DNM2: variants seen among roughly 807,000 people sequenced by gnomAD.
DNM2 encodes dynamin 2.
Under a neutral mutation model 99.0 loss-of-function variants are expected in DNM2, and 15 were observed. That is an observed-to-expected ratio of 0.15 (90% confidence interval 0.10 to 0.23). DNM2 has a LOEUF of 0.23. Among genes scored for constraint, DNM2 ranks in the 10% least tolerant of loss-of-function variants. The pLI is 1.00. For missense variants in DNM2, 742 were observed against 1,189.4 expected (o/e 0.62, Z 5.53); for synonymous variants, 525 against 481.2 (o/e 1.09, Z -1.19).
At chr19:10,723,045 CA>C (rs2068990812) in intron 1 of DNM2, among the ~76,000 whole-genome samples, 1 of 151,516 alleles carries the variant, frequency 6.6e-6, no homozygotes, top group East Asian at 1.9e-4. Context: ...CGGCTCACTG[CA>C]ATCTCGCCTC....
intron 14 of DNM2, chr19:10,808,961 T>C (rs2072449008): frequency 4.5e-6 from 1 of 223,822 alleles, no homozygotes; most frequent in Non-Finnish European, 9.0e-6. Flanking sequence ...CCCTCCTCCT[T>C]CTATCTCCTA....
chr19:10,721,297 C>T (rs989298066), intron 1 of DNM2, among the ~76,000 whole-genome samples: 1 of 152,184 alleles, frequency 6.6e-6, no homozygotes, highest in African/African-American at 2.4e-5. Context: ...GCTGGGATTA[C>T]AGGCGCGCGT....
chr19:10,771,194 C>T (rs573359768), intron 2 of DNM2, among the ~76,000 whole-genome samples: 24 of 152,334 alleles, frequency 1.6e-4, no homozygotes, highest in African/African-American at 5.3e-4. Context: ...CATCTGGAAA[C>T]GTCAAGGCTT....
chr19:10,830,680 TCTC>T lies in DNM2; in HGVS notation c.2544-295_2544-293del, dbSNP rs1168841270. 3 of 578,852 alleles carry T rather than the reference TCTC, an allele frequency of 5.2e-6. No individual in the cohort carries two copies. Among genetic ancestry groups the T allele is most frequent in the African/African-American group, 3.8e-5 (2 of 53,234 alleles). 35.9% of individuals were successfully genotyped at this position (578,852 alleles called of 1,614,324 possible). A position where few individuals can be genotyped will look rare whatever the true frequency, so the allele number is the denominator to read the frequency against. Reference sequence around the variant, plus strand: ...CACCTCCTCCCACTGTTTACCTTCTTCTCCTTCCTGCTCCTGCCTGCCTCAACC... The same window carrying T: ...CACCTCCTCCCACTGTTTACCTTCTTCTTCCTGCTCCTGCCTGCCTCAACC... On this transcript the variant is annotated intron_variant, in intron 20 of 20. Transcript: ENST00000389253. The surrounding 1 kb of genome is among the most constrained non-coding windows in gnomAD (Gnocchi z 4.8).
chr19:10,741,767 G>A (rs1568273316), intron 1 of DNM2, among the ~76,000 whole-genome samples: 1 of 150,964 alleles, frequency 6.6e-6, no homozygotes, highest in Non-Finnish European at 1.5e-5. Context: ...TAGCCAGGAT[G>A]GTCTCTATCT....
Position 10,728,096 on chromosome 19 carries a change from G to C in DNM2, c.161+9693G>C, listed in dbSNP as rs563781880. Among the ~76,000 whole-genome samples the C allele has an allele frequency of 3.3e-5, 5 of 152,308 alleles. No homozygotes were observed. The South Asian group carries it at 1.0e-3, about 32-fold the overall frequency. On this transcript the variant is annotated intron_variant, in intron 1 of 20. Coordinates refer to ENST00000389253, the MANE Select transcript of DNM2 (RefSeq NM_001005361.3). ...TTGGTAACTAGGTCCCTGCTGGGTGGTGGGAAATTTTCCCCTGTGGCGTCA... is the reference window on the plus strand; with the variant it reads ...TTGGTAACTAGGTCCCTGCTGGGTGCTGGGAAATTTTCCCCTGTGGCGTCA...
Position 10,718,269 on chromosome 19 carries a change from G to T in DNM2, c.27G>T (p.Leu9=), listed in dbSNP as rs771656417. 1.3e-6 allele frequency: 2 copies of T among 1,491,264 alleles called. No homozygotes were observed. The highest frequency in any genetic ancestry group is 2.9e-5 in the East Asian group (1 of 33,912). The allele number at this position is 1,491,264 out of a possible 1,614,324, so 92.4% of individuals were successfully genotyped here. MGNRGMEE[L]IPLVNKLQDA... is the part of the protein sequence containing the mutation. ...TGGGCAACCGCGGGATGGAAGAGCT[G>T]ATCCCGCTGGTCAACAAACTGCAGG... The change falls in exon 1 of 21, where the codon CTG becomes CTT. Residue 9 remains leucine (L), a synonymous_variant. Coordinates refer to ENST00000389253, the MANE Select transcript of DNM2 (RefSeq NM_001005361.3).
intron 18 of DNM2, among the ~76,000 whole-genome samples, chr19:10,828,326 G>A (rs2073217905): frequency 6.6e-6 from 1 of 151,942 alleles, no homozygotes; most frequent in Non-Finnish European, 1.5e-5. Context: ...GGTGGCTCAC[G>A]CCTGTAATCC....
In DNM2 at chr19:10,823,777, C is replaced by T. The variant is rs78580529; in HGVS notation, c.1782-11C>T. The stretch of plus-strand genomic sequence containing the variant: ...TCAAGCTTGTGCCCCTCCTTCCCCA[C>T]CCCCCCGCAGAAACGTCTACAAGGA... On this transcript the variant is annotated splice_polypyrimidine_tract_variant and intron_variant, in intron 16 of 20. Transcript: ENST00000389253. 1.6e-3 allele frequency: 2,532 copies of T among 1,604,020 alleles called. 39 individuals carry two copies. The African/African-American group carries it at 0.031, about 19-fold the overall frequency.
chr19:10,759,646 G>T lies in DNM2; in HGVS notation c.162-92G>T, dbSNP rs930282422. 7.8e-6 allele frequency: 12 copies of T among 1,535,978 alleles called. No individual in the cohort carries two copies. The East Asian group carries it at 1.1e-4, about 14-fold the overall frequency. On this transcript the variant is annotated intron_variant, in intron 1 of 20. Coordinates refer to ENST00000389253, the MANE Select transcript of DNM2 (RefSeq NM_001005361.3). ...TGCCTTTGCTGAGGTCGCCCAAATTGCAAGACAGAGTTGCTCCACCACATG... is the reference window on the plus strand; with the variant it reads ...TGCCTTTGCTGAGGTCGCCCAAATTTCAAGACAGAGTTGCTCCACCACATG...
At chr19:10,769,205 G>A (rs1054479655) in intron 2 of DNM2, 2 of 152,334 alleles carry the variant, frequency 1.3e-5, no homozygotes, top group African/African-American at 2.4e-5. Context: ...CTGTTATGAT[G>A]CGCATTTTAC....
Position 10,820,408 on chromosome 19 carries a change from A to G in DNM2, c.1781+319A>G, listed in dbSNP as rs1599621058. ...GAGCCCTCTGGTGGCTGAGAGGGAA[A>G]CAGTATGAGAGGGTGAGAGATGGGG... On this transcript the variant is annotated intron_variant, in intron 16 of 20. Coordinates refer to ENST00000389253, the MANE Select transcript of DNM2 (RefSeq NM_001005361.3). The surrounding 1 kb of genome is among the most constrained non-coding windows in gnomAD (Gnocchi z 4.3). Among the ~76,000 whole-genome samples, 1 of 152,338 alleles carries G rather than the reference A, an allele frequency of 6.6e-6. No individual in the cohort carries two copies. Among genetic ancestry groups the G allele is most frequent in the South Asian group, 2.1e-4 (1 of 4,832 alleles).
rs1336481302 is a variant in DNM2, at chr19:10,786,668, G to C, written c.954G>C (p.Arg318=). The C allele has an allele frequency of 6.2e-7, 1 of 1,614,038 alleles. No homozygotes were observed. The highest frequency in any genetic ancestry group is 8.5e-7 in the Non-Finnish European group (1 of 1,180,002). ...EKEVEEYKNF[R]PDDPTRKTKA... ...AGGTGGAGGAGTACAAGAACTTTCG[G>C]CCCGACGACCCCACCCGCAAAACCA... Residue 318 remains arginine (R), a synonymous_variant, in exon 7 of 21, where the codon CGG becomes CGC. Coordinates refer to ENST00000389253, the MANE Select transcript of DNM2 (RefSeq NM_001005361.3).
chr19:10,759,661 T>A, intron 1 of DNM2, 77 bp from the exon 2 acceptor site: 1 of 1,578,212 alleles, frequency 6.3e-7, no homozygotes, highest in Middle Eastern at 1.7e-4. Flanking sequence ...ACAGAGTTGC[T>A]CCACCACATG....
chr19:10,784,797 T>C (rs1333527087), intron 6 of DNM2, among the ~76,000 whole-genome samples: 3 of 150,240 alleles, frequency 2.0e-5, no homozygotes, highest in Non-Finnish European at 4.4e-5. Flanking sequence ...ACACTTTGTA[T>C]TTATTTTTTA....
In DNM2 at chr19:10,795,483, G is replaced by A; in HGVS notation, c.1196+44G>A. ...GTCACCACTGTTCCTTCCTCTCCGT[G>A]GTGCGACCCCCCAGCTAATTGGGTC... On this transcript the variant is annotated intron_variant, in intron 9 of 20. Coordinates refer to ENST00000389253, the MANE Select transcript of DNM2 (RefSeq NM_001005361.3). The surrounding 1 kb of genome is among the most constrained non-coding windows in gnomAD (Gnocchi z 4.2). The A allele has an allele frequency of 6.2e-7, 1 of 1,610,414 alleles. No individual in the cohort carries two copies. Among genetic ancestry groups the A allele is most frequent in the Non-Finnish European group, 8.5e-7 (1 of 1,177,148 alleles).
At chr19:10,748,348 C>T (rs575201877) in intron 1 of DNM2, among the ~76,000 whole-genome samples, 4 of 152,192 alleles carry the variant, frequency 2.6e-5, no homozygotes, top group South Asian at 2.1e-4. Flanking sequence ...CAGCAGGACT[C>T]GCGGCTGGAC....
At chr19:10,732,157 T>A (rs983254530) in intron 1 of DNM2, among the ~76,000 whole-genome samples, 3 of 151,446 alleles carry the variant, frequency 2.0e-5, no homozygotes, top group African/African-American at 7.2e-5. Context: ...GGTTTCACCA[T>A]GGCCAGACTG....
At position 10,793,731 on chromosome 19, in the gene DNM2, A is replaced by T. The variant is rs759996048; in HGVS notation, c.1004A>T (p.Gln335Leu). ...KTKALLQMVQQFGVDFEKRIE... is the reference protein window; with the variant it reads ...KTKALLQMVQLFGVDFEKRIE... ...CCTTTTCCTCATAGGATGGTCCAGC[A>T]GTTTGGGGTGGATTTTGAGAAGAGG... Residue 335 changes from glutamine to leucine, a missense_variant, in exon 8 of 21, where the codon CAG (glutamine) becomes CTG (leucine). By Grantham distance (113) the Gln-to-Leu change is moderately radical. Around this residue, in one of 7 missense-constraint regions of DNM2, gnomAD observed 14 missense variants for 31.7 expected, o/e 0.44. Transcript: ENST00000389253. 2 of 1,613,938 alleles carry T rather than the reference A, an allele frequency of 1.2e-6. No homozygotes were observed. The highest frequency in any genetic ancestry group is 2.7e-5 in the African/African-American group (2 of 74,872).
Sources: allele counts gnomAD v4.1 joint callset (sites outside exome capture counted in the v4.1 genomes callset), GRCh38; gene constraint gnomAD v4.1.1; regional missense constraint gnomAD v4.1.1; non-coding constraint Gnocchi (gnomAD v3.1); transcripts MANE v1.5; gene names NCBI Gene and HGNC (gene_info 2026-07-23, HGNC 2026-07-21).